The following CNTNAP2 variants were observed in gnomAD, a reference collection of about 807,000 sequenced individuals.
The protein encoded by CNTNAP2 is contactin associated protein 2, also known as contactin-associated protein-like 2.
A neutral mutation model predicts 155.2 loss-of-function variants in CNTNAP2; 98 were observed. The observed-to-expected ratio is 0.63, with a 90% CI of 0.54 to 0.75. The LOEUF (loss-of-function observed/expected upper bound fraction) is 0.75, where lower values mean the gene tolerates loss of function less well. Ranked by LOEUF, CNTNAP2 falls within the 30% of genes least tolerant of loss-of-function variation. The pLI, the probability that CNTNAP2 is intolerant of heterozygous loss-of-function variation, is 0.00. For synonymous variants in CNTNAP2, 651 were observed against 631.2 expected (o/e 1.03, Z -0.47); for missense variants, 1,727 against 1,688.1 (o/e 1.02, Z -0.40).
chr7:146,261,882 A>G (rs1799924035), intron 1 of CNTNAP2, among the ~76,000 whole-genome samples: 1 of 152,202 alleles, frequency 6.6e-6, no homozygotes, highest in Non-Finnish European at 1.5e-5. Context: ...AAGGCATTGA[A>G]ACCAATGATT....
intron 11 of CNTNAP2, among the ~76,000 whole-genome samples, chr7:147,494,133 C>T (rs182802177): frequency 1.8e-4 from 28 of 152,254 alleles, no homozygotes; most frequent in African/African-American, 6.3e-4. Flanking sequence ...CCCAGCAGCT[C>T]CTTTACTCTC....
intron 13 of CNTNAP2, among the ~76,000 whole-genome samples, chr7:147,838,939 T>TA (rs1382371810): frequency 2.0e-5 from 3 of 152,116 alleles, no homozygotes; most frequent in African/African-American, 4.8e-5. Flanking sequence ...TAGACATATA[T>TA]ATAAAGGGAA....
intron 1 of CNTNAP2, among the ~76,000 whole-genome samples, chr7:146,531,116 G>A (rs1797762814): frequency 6.6e-6 from 1 of 152,154 alleles, no homozygotes; most frequent in Non-Finnish European, 1.5e-5. Context: ...AATTGACACA[G>A]GAACACAAAA....
intron 12 of CNTNAP2, among the ~76,000 whole-genome samples, chr7:147,625,016 A>C (rs1304423794): frequency 6.6e-6 from 1 of 152,182 alleles, no homozygotes; most frequent in Admixed American, 6.5e-5. Context: ...AGAAAGACAA[A>C]CATCACATGT....
At chr7:147,977,383 C>T (rs1801442350) in intron 14 of CNTNAP2, among the ~76,000 whole-genome samples, 3 of 152,124 alleles carry the variant, frequency 2.0e-5, no homozygotes, top group Admixed American at 2.0e-4. Context: ...TTAAACTAAA[C>T]AAGAAGAGAG....
chr7:147,705,057 C>T (rs181016414), intron 13 of CNTNAP2, among the ~76,000 whole-genome samples: 146 of 151,778 alleles, frequency 9.6e-4, no homozygotes, highest in Middle Eastern at 3.4e-3. Flanking sequence ...GTCTCTGTTT[C>T]GTTTAGTTCT....
At chr7:148,308,397 A>G (rs1276137303) in intron 21 of CNTNAP2, among the ~76,000 whole-genome samples, 1 of 152,060 alleles carries the variant, frequency 6.6e-6, no homozygotes, top group Non-Finnish European at 1.5e-5. Flanking sequence ...AAGCTTAACC[A>G]ATGATTTGTC....
intron 11 of CNTNAP2, among the ~76,000 whole-genome samples, chr7:147,524,982 T>C (rs1799292792): frequency 6.6e-6 from 1 of 152,220 alleles, no homozygotes; most frequent in Admixed American, 6.5e-5. Flanking sequence ...AATTGCTTGT[T>C]ATATCTTGTT....
chr7:147,272,039 C>G (rs1804764397), intron 8 of CNTNAP2, among the ~76,000 whole-genome samples: 1 of 152,052 alleles, frequency 6.6e-6, no homozygotes, highest in African/African-American at 2.4e-5. Context: ...ATTACTGGTG[C>G]CCACCACCAA....
chr7:148,331,128 G>A (rs1189299546), intron 21 of CNTNAP2, among the ~76,000 whole-genome samples: 4 of 140,284 alleles, frequency 2.9e-5, no homozygotes, highest in Non-Finnish European at 6.1e-5. Flanking sequence ...GGATGGGATG[G>A]GTGGATGGAT....
chr7:146,491,982 A>G (rs1286845381), intron 1 of CNTNAP2, among the ~76,000 whole-genome samples: 1 of 152,150 alleles, frequency 6.6e-6, no homozygotes, highest in Non-Finnish European at 1.5e-5. Flanking sequence ...TGTTGGAAAA[A>G]TAAGAGAAGC....
intron 1 of CNTNAP2, among the ~76,000 whole-genome samples, chr7:146,432,514 A>G (rs1796186801): frequency 6.6e-6 from 1 of 152,136 alleles, no homozygotes; most frequent in Non-Finnish European, 1.5e-5. Context: ...AATATATAGA[A>G]TGCTCTTTGG....
intron 1 of CNTNAP2, among the ~76,000 whole-genome samples, chr7:146,325,644 A>G (rs1259379307): frequency 1.3e-5 from 2 of 152,046 alleles, no homozygotes; most frequent in African/African-American, 4.8e-5. Context: ...AGAGAGATTA[A>G]ATATGAATAT....
At chr7:147,132,191 T>C in intron 7 of CNTNAP2, 54 bp from the exon 8 acceptor site, 1 of 1,606,210 alleles carries the variant, frequency 6.2e-7, no homozygotes, top group Non-Finnish European at 8.5e-7. Context: ...TGGTCTGACA[T>C]GGATGTTCAT....
chr7:147,445,958 A>T (rs1797729783), intron 10 of CNTNAP2, among the ~76,000 whole-genome samples: 1 of 151,988 alleles, frequency 6.6e-6, no homozygotes, highest in Admixed American at 6.6e-5. Context: ...AGAAAATTTA[A>T]AGAGTGATCA....
chr7:148,021,059 G>T (rs1329508718), intron 15 of CNTNAP2, among the ~76,000 whole-genome samples: 1 of 152,086 alleles, frequency 6.6e-6, no homozygotes, highest in East Asian at 1.9e-4. Flanking sequence ...CACCTGTTTT[G>T]TTTTTTCACC....
At chr7:147,232,653 T>C (rs1008860800) in intron 8 of CNTNAP2, among the ~76,000 whole-genome samples, 1 of 152,196 alleles carries the variant, frequency 6.6e-6, no homozygotes, top group Admixed American at 6.6e-5. Context: ...AAAATTAGAC[T>C]CCTGTATTAT....
chr7:146,265,129 T>A (rs1230773900), intron 1 of CNTNAP2, among the ~76,000 whole-genome samples: 1 of 152,190 alleles, frequency 6.6e-6, no homozygotes, highest in Non-Finnish European at 1.5e-5. Context: ...AAAAAATATG[T>A]GTGTCTGTGT....
chr7:146,736,204 A>G (rs981270221), intron 1 of CNTNAP2, among the ~76,000 whole-genome samples: 5 of 147,058 alleles, frequency 3.4e-5, no homozygotes, highest in African/African-American at 1.4e-4. Context: ...CGTTTGACAT[A>G]AGGGATTTGA....
Sources: allele counts gnomAD v4.1 joint callset (sites outside exome capture counted in the v4.1 genomes callset), GRCh38; gene constraint gnomAD v4.1.1; transcripts MANE v1.5; gene names NCBI Gene and HGNC (gene_info 2026-07-23, HGNC 2026-07-21).